The following CYRIA variants were observed in gnomAD, a reference collection of about 807,000 sequenced individuals.
CYRIA encodes the protein CYFIP related Rac1 interactor A, also known as CYFIP-related Rac1 interactor A.
In CYRIA, 15 loss-of-function variants were observed where a neutral mutation model predicts 43.9. That is an observed-to-expected ratio of 0.34 (90% CI 0.23 to 0.53). The LOEUF (loss-of-function observed/expected upper bound fraction) is 0.53, where lower values mean the gene tolerates loss of function less well. CYRIA is among the 20% of genes least tolerant of loss of function. CYRIA has a pLI of 0.94. For missense variants in CYRIA, 236 were observed against 394.2 expected (o/e 0.60, Z 3.40); for synonymous variants, 117 against 136.0 (o/e 0.86, Z 0.97).
Position 16,552,023 on chromosome 2 carries a change from T to C in CYRIA, c.*913A>G, listed in dbSNP as rs140821557. The C allele has an allele frequency of 1.4e-4, 21 of 152,250 alleles. No homozygotes were observed. The East Asian group carries it at 4.1e-3, about 29-fold the overall frequency. The allele number at this position is 152,250 out of a possible 1,614,324, so 9.4% of individuals were successfully genotyped here. On this transcript the variant is annotated 3_prime_UTR_variant, in exon 12 of 12. Transcript: ENST00000381323. ...AGTATCCTAGACCTTTGTTCTCATA[T>C]GAATGGTCTTCAGAGAACAGGGCTC...
chr2:16,549,573 A>G lies in CYRIA; in HGVS notation c.*3363T>C, dbSNP rs938771300. 1 of 152,170 alleles carries G rather than the reference A, an allele frequency of 6.6e-6. No individual in the cohort carries two copies. Among genetic ancestry groups the G allele is most frequent in the African/African-American group, 2.4e-5 (1 of 41,450 alleles). The allele number at this position is 152,170 out of a possible 1,614,324, so 9.4% of individuals were successfully genotyped here. ...TGACTTCAGCAAACAACATATGAAA[A>G]CTGCAAAACAGCCTTGGGTCTGTAA... On this transcript the variant is annotated 3_prime_UTR_variant, in exon 12 of 12. Transcript: ENST00000381323.
intron 1 of CYRIA, among the ~76,000 whole-genome samples, chr2:16,640,223 T>C (rs1378817246): frequency 6.6e-6 from 1 of 152,186 alleles, no homozygotes; most frequent in Non-Finnish European, 1.5e-5. Flanking sequence ...TAGCAGCACT[T>C]TTATCCTTTT....
Position 16,588,087 on chromosome 2 carries a change from T to C in CYRIA, c.33A>G (p.Glu11=). The C allele has an allele frequency of 6.2e-7, 1 of 1,608,238 alleles. No homozygotes were observed. Among genetic ancestry groups the C allele is most frequent in the Non-Finnish European group, 8.5e-7 (1 of 1,177,266 alleles). MGNLLKVLTR[E]IENYPHFFLD... ...GGAAAAAGTGTGGATAGTTTTCAAT[T>C]TCCCTGGTAAGGACTTTGAGCAGGT... Residue 11 remains glutamate (E), a synonymous_variant, in exon 3 of 12, where the codon GAA becomes GAG. Transcript: ENST00000381323.
chr2:16,645,632 T>G (rs968459666), intron 1 of CYRIA, among the ~76,000 whole-genome samples: 13 of 152,124 alleles, frequency 8.5e-5, no homozygotes, highest in African/African-American at 3.1e-4. Flanking sequence ...TAATATAAGG[T>G]GGAAAGCAGT....
At chr2:16,604,885 G>A (rs1668340439) in intron 2 of CYRIA, among the ~76,000 whole-genome samples, 1 of 152,230 alleles carries the variant, frequency 6.6e-6, no homozygotes. Context: ...ATTCCGAGAT[G>A]AAGGAAGAAA....
At chr2:16,663,000 T>C (rs1670303426) in intron 1 of CYRIA, among the ~76,000 whole-genome samples, 1 of 152,266 alleles carries the variant, frequency 6.6e-6, no homozygotes, top group South Asian at 2.1e-4. Context: ...GTAAGATACA[T>C]AAATAAGTTA....
intron 1 of CYRIA, among the ~76,000 whole-genome samples, chr2:16,653,260 C>T (rs1670020063): frequency 6.6e-6 from 1 of 152,226 alleles, no homozygotes; most frequent in South Asian, 2.1e-4. Context: ...GTCACTTGTC[C>T]ACTCAGCTCT....
At chr2:16,592,957 A>G (rs1334532966) in intron 2 of CYRIA, among the ~76,000 whole-genome samples, 2 of 152,200 alleles carry the variant, frequency 1.3e-5, no homozygotes, top group Non-Finnish European at 2.9e-5. Context: ...ATAAAGCACC[A>G]TCTAACTGCC....
At chr2:16,575,746 C>T (rs1051073830) in intron 3 of CYRIA, among the ~76,000 whole-genome samples, 3 of 151,960 alleles carry the variant, frequency 2.0e-5, no homozygotes, top group Non-Finnish European at 4.4e-5. Context: ...GTCCCAGCTA[C>T]TCGGGAGGCT....
intron 1 of CYRIA, among the ~76,000 whole-genome samples, chr2:16,642,603 C>T (rs1188079902): frequency 2.6e-5 from 4 of 152,142 alleles, no homozygotes; most frequent in Admixed American, 6.5e-5. Context: ...CGCTAGAACA[C>T]GCTCTCCAGC....
At chr2:16,592,991 T>C (rs1423681440) in intron 2 of CYRIA, among the ~76,000 whole-genome samples, 1 of 152,216 alleles carries the variant, frequency 6.6e-6, no homozygotes, top group Non-Finnish European at 1.5e-5. Context: ...CAAATCATTG[T>C]AGCTGTGAGC....
At chr2:16,663,198 C>T (rs1670307616) in intron 1 of CYRIA, among the ~76,000 whole-genome samples, 1 of 152,170 alleles carries the variant, frequency 6.6e-6, no homozygotes, top group African/African-American at 2.4e-5. Flanking sequence ...GTGTTCAAAG[C>T]ATTCCCGGTA....
chr2:16,630,867 A>C (rs1669311065), intron 1 of CYRIA, among the ~76,000 whole-genome samples: 2 of 152,200 alleles, frequency 1.3e-5, no homozygotes, highest in South Asian at 4.1e-4. Context: ...GGTAAGGGGC[A>C]CACCTTAAGC....
intron 2 of CYRIA, among the ~76,000 whole-genome samples, chr2:16,621,917 G>A (rs959802672): frequency 6.6e-6 from 1 of 152,114 alleles, no homozygotes; most frequent in Non-Finnish European, 1.5e-5. Context: ...TTGAATGCAA[G>A]CTCCTTGAGA....
intron 1 of CYRIA, among the ~76,000 whole-genome samples, chr2:16,655,850 G>C (rs1670097276): frequency 6.6e-6 from 1 of 151,954 alleles, no homozygotes; most frequent in African/African-American, 2.4e-5. Context: ...AATGATTTGG[G>C]TGTTTTAAAA....
At chr2:16,628,741 A>G (rs963658348) in intron 1 of CYRIA, among the ~76,000 whole-genome samples, 1 of 152,180 alleles carries the variant, frequency 6.6e-6, no homozygotes, top group African/African-American at 2.4e-5. Flanking sequence ...GGTTATTTTT[A>G]TGTCCAGTTG....
At chr2:16,577,424 C>T (rs1667392331) in intron 3 of CYRIA, among the ~76,000 whole-genome samples, 1 of 152,046 alleles carries the variant, frequency 6.6e-6, no homozygotes, top group Non-Finnish European at 1.5e-5. Flanking sequence ...TGCGCTCACC[C>T]TAACAAGAAA....
chr2:16,574,877 A>G (rs1170573464), intron 3 of CYRIA, among the ~76,000 whole-genome samples: 1 of 152,204 alleles, frequency 6.6e-6, no homozygotes, highest in Non-Finnish European at 1.5e-5. Flanking sequence ...GTACCCCCAC[A>G]CAGAGTCCCC....
intron 2 of CYRIA, among the ~76,000 whole-genome samples, chr2:16,614,641 A>G (rs1366857737): frequency 2.0e-5 from 3 of 152,166 alleles, no homozygotes; most frequent in Non-Finnish European, 4.4e-5. Flanking sequence ...ATGAGGTCTG[A>G]GTTGCTCCCC....
Sources: gnomAD v4.1 joint callset for allele counts (sites outside exome capture counted in the v4.1 genomes callset) on GRCh38, gnomAD v4.1.1 for gene constraint, MANE v1.5 for transcripts, NCBI Gene and HGNC (gene_info 2026-07-23, HGNC 2026-07-21) for gene names.